PDZRN4: variants seen among roughly 807,000 people sequenced by gnomAD.
The protein encoded by PDZRN4 is PDZ domain-containing RING finger protein 4.
PDZRN4 carries 70 observed loss-of-function variants against 99.0 expected under a neutral mutation model. The observed-to-expected ratio is 0.71, with a 90% CI of 0.58 to 0.86. The LOEUF (loss-of-function observed/expected upper bound fraction) is 0.86, where lower values mean the gene tolerates loss of function less well. PDZRN4 is among the 40% of genes least tolerant of loss of function. The probability of loss-of-function intolerance (pLI) is 0.00; values close to 1 mark genes in which losing one functional copy is unlikely to be tolerated. For missense variants in PDZRN4, 1,474 were observed against 1,331.2 expected, an observed-to-expected ratio of 1.11 and a Z score of -1.67; for synonymous variants, 551 against 501.6, an observed-to-expected ratio of 1.10 and a Z score of -1.32.
chr12:41,458,132 G>A (rs1030719774), intron 3 of PDZRN4, among the ~76,000 whole-genome samples: 4 of 152,160 alleles, frequency 2.6e-5, no homozygotes, highest in South Asian at 2.1e-4. Context: ...AATCTAGAAG[G>A]TGTTAGTCTG....
chr12:41,398,242 GAGTGGATTAAAAGC>G (rs1431106865), intron 3 of PDZRN4, among the ~76,000 whole-genome samples: 2 of 152,140 alleles, frequency 1.3e-5, no homozygotes, highest in African/African-American at 4.8e-5. Context: ...CATTGGGAAA[GAGTGGATTAAAAGC>G]AGTCATGAAA....
At chr12:41,338,001 C>T (rs545381462) in intron 3 of PDZRN4, among the ~76,000 whole-genome samples, 2 of 152,074 alleles carry the variant, frequency 1.3e-5, no homozygotes, top group East Asian at 1.9e-4. Context: ...TCAAGCAATC[C>T]TCCTGCCTCA....
intron 5 of PDZRN4, among the ~76,000 whole-genome samples, chr12:41,538,961 T>C (rs1028899283): frequency 6.6e-6 from 1 of 152,068 alleles, no homozygotes; most frequent in Non-Finnish European, 1.5e-5. Context: ...TTTTGTGAAA[T>C]AGATGATAAC....
chr12:41,201,437 T>C (rs941695332), intron 3 of PDZRN4, among the ~76,000 whole-genome samples: 9 of 152,118 alleles, frequency 5.9e-5, no homozygotes, highest in Admixed American at 5.9e-4. Flanking sequence ...TATATATTTA[T>C]TCTTTGATGT....
At chr12:41,326,239 C>T (rs1951708905) in intron 3 of PDZRN4, among the ~76,000 whole-genome samples, 1 of 151,976 alleles carries the variant, frequency 6.6e-6, no homozygotes, top group African/African-American at 2.4e-5. Context: ...TGGCCTTCCA[C>T]AGTGCTGGGA....
chr12:41,329,994 G>A (rs1260047936), intron 3 of PDZRN4, among the ~76,000 whole-genome samples: 1 of 152,034 alleles, frequency 6.6e-6, no homozygotes, highest in Non-Finnish European at 1.5e-5. Flanking sequence ...ATTAGTCTGA[G>A]AATTATAGCA....
At chr12:41,333,890 T>A (rs924647044) in intron 3 of PDZRN4, among the ~76,000 whole-genome samples, 16 of 152,116 alleles carry the variant, frequency 1.1e-4, no homozygotes, top group African/African-American at 3.4e-4. Context: ...ACCAAGTAAC[T>A]TTTCATACGC....
rs183724348 is a variant in PDZRN4 at position 41,314,022 on chromosome 12, C to T, written c.843+119834C>T. Among the ~76,000 whole-genome samples, 8 of 152,252 alleles carry T rather than the reference C, an allele frequency of 5.3e-5. No homozygotes were observed. In the East Asian group the frequency reaches 1.3e-3, roughly 26 times the overall value. ...ATTCTTATGTGTTAGAAAACAGATA[C>T]TTTGAGACCACCTATTACATCTTGC... On this transcript the variant is annotated intron_variant, in intron 3 of 9. Coordinates refer to ENST00000402685, the MANE Select transcript of PDZRN4 (RefSeq NM_001164595.2).
At chr12:41,439,058 G>T (rs1268549687) in intron 3 of PDZRN4, among the ~76,000 whole-genome samples, 1 of 152,098 alleles carries the variant, frequency 6.6e-6, no homozygotes, top group African/African-American at 2.4e-5. Flanking sequence ...AAGTGGATTT[G>T]CTACACATGA....
At chr12:41,548,581 G>C (rs536037652) in intron 5 of PDZRN4, among the ~76,000 whole-genome samples, 21 of 152,288 alleles carry the variant, frequency 1.4e-4, no homozygotes, top group African/African-American at 5.1e-4. Context: ...AACTTGAATA[G>C]TGCTGACTGC....
At chr12:41,336,507 GAACATCAAC>G (rs3046866) in intron 3 of PDZRN4, among the ~76,000 whole-genome samples, 58,052 of 151,590 alleles carry the variant, frequency 0.38, 11,129 homozygotes, top group African/African-American at 0.4. Context: ...GATGTGTTCA[GAACATCAAC>G]TTTCTCTGTA....
At chr12:41,190,105 G>A (rs1201385332) in intron 1 of PDZRN4, among the ~76,000 whole-genome samples, 1 of 152,180 alleles carries the variant, frequency 6.6e-6, no homozygotes, top group African/African-American at 2.4e-5. Flanking sequence ...TCAAGGAGCT[G>A]TTTTCATTCT....
rs552542331 is a variant in PDZRN4, at chr12:41,261,275, A to C, written c.843+67087A>C. On this transcript the variant is annotated intron_variant, in intron 3 of 9. Transcript: ENST00000402685. The stretch of plus-strand genomic sequence containing the variant: ...AATATTTGTGAAGAATGTAAACTGT[A>C]GTATTTAGTAGGAGGCAGTTACAAA... Among the ~76,000 whole-genome samples, 14 of 152,278 alleles carry C rather than the reference A, an allele frequency of 9.2e-5. No individual in the cohort carries two copies. In the East Asian group the frequency reaches 2.5e-3, roughly 27 times the overall value.
In PDZRN4 at chr12:41,573,655, G is replaced by A; in HGVS notation, c.2876G>A (p.Arg959His). Residue 959 changes from arginine to histidine, a missense_variant, in exon 10 of 10, where the codon CGC becomes CAC. Arg to His is a conservative substitution (Grantham distance 29). Coordinates refer to ENST00000402685, the MANE Select transcript of PDZRN4 (RefSeq NM_001164595.2). The part of the protein sequence containing the change: ...HLVRAKEQRR[R>H]REFMMRSRLE... Reference sequence around the variant, plus strand: ...GTTAGGGCCAAAGAGCAGCGCCGTCGCCGTGAGTTCATGATGCGAAGCAGG... The same window carrying A: ...GTTAGGGCCAAAGAGCAGCGCCGTCACCGTGAGTTCATGATGCGAAGCAGG... 6.2e-7 allele frequency: 1 copy of A among 1,614,028 alleles called. No individual in the cohort carries two copies. The highest frequency in any genetic ancestry group is 8.5e-7 in the Non-Finnish European group (1 of 1,180,008).
intron 3 of PDZRN4, among the ~76,000 whole-genome samples, chr12:41,456,508 C>T (rs938605195): frequency 1.3e-5 from 2 of 152,092 alleles, no homozygotes; most frequent in Admixed American, 1.3e-4. Flanking sequence ...GAAGACATAA[C>T]CAGGTCCTTT....
At chr12:41,287,837 C>T (rs1951431101) in intron 3 of PDZRN4, among the ~76,000 whole-genome samples, 1 of 152,168 alleles carries the variant, frequency 6.6e-6, no homozygotes, top group Admixed American at 6.5e-5. Context: ...GAAAATTAAA[C>T]ATATTTTCCA....
chr12:41,395,244 A>G (rs777654423), intron 3 of PDZRN4, among the ~76,000 whole-genome samples: 5 of 61,636 alleles, frequency 8.1e-5, no homozygotes, highest in Non-Finnish European at 1.9e-4. Context: ...CTGTGAAACT[A>G]AAAAAGCAAA....
intron 5 of PDZRN4, among the ~76,000 whole-genome samples, chr12:41,539,768 A>C: frequency 6.6e-6 from 1 of 152,166 alleles, no homozygotes; most frequent in Non-Finnish European, 1.5e-5. Context: ...TTTTCAAATA[A>C]AGAGAAGTTC....
At chr12:41,337,225 G>A (rs1440680928) in intron 3 of PDZRN4, among the ~76,000 whole-genome samples, 1 of 152,018 alleles carries the variant, frequency 6.6e-6, no homozygotes, top group African/African-American at 2.4e-5. Flanking sequence ...TTTTTTCACT[G>A]TCATAATTTC....
Sources: gnomAD v4.1 joint callset for allele counts (sites outside exome capture counted in the v4.1 genomes callset) on GRCh38, gnomAD v4.1.1 for gene constraint, MANE v1.5 for transcripts, NCBI Gene and HGNC (gene_info 2026-07-23, HGNC 2026-07-21) for gene names.